NOL4: variants seen among roughly 807,000 people sequenced by gnomAD.
NOL4 encodes the protein cancer/testis antigen 125.
In NOL4, 17 loss-of-function variants were observed where a neutral mutation model predicts 75.9. The ratio of observed to expected loss-of-function variants is 0.22; its 90% CI spans 0.15 to 0.34. The LOEUF is 0.34. Among genes scored for constraint, NOL4 ranks in the 10% least tolerant of loss-of-function variants. The pLI is 1.00. For missense variants in NOL4, 614 were observed against 793.5 expected, an observed-to-expected ratio of 0.77 and a Z score of 2.72; for synonymous variants, 292 against 289.9, an observed-to-expected ratio of 1.01 and a Z score of -0.07.
chr18:33,997,880 T>C (rs1341021818), intron 6 of NOL4, among the ~76,000 whole-genome samples: 4 of 151,796 alleles, frequency 2.6e-5, no homozygotes, highest in Admixed American at 2.0e-4. Context: ...AATTGATAAA[T>C]AGATAAGCAA....
rs576872798 is a variant in NOL4 at position 34,194,457 on chromosome 18, AAGGCAGGCAGGC to A, written c.264+28521_264+28532del. Among the ~76,000 whole-genome samples the A allele has an allele frequency of 6.0e-4, 88 of 146,314 alleles. 1 individual carries two copies. The South Asian group carries it at 7.2e-3, about 12-fold the overall frequency. ...GAAGGAAGGAAGGAAGGAAGGAAGG[AAGGCAGGCAGGC>A]AGGCAGGCAGGCAGGCAGGCGAGAA... On this transcript the variant is annotated intron_variant, in intron 1 of 10. Coordinates refer to ENST00000261592, the MANE Select transcript of NOL4 (RefSeq NM_003787.5).
intron 1 of NOL4, among the ~76,000 whole-genome samples, chr18:34,188,483 C>G (rs1288780902): frequency 6.6e-6 from 1 of 152,156 alleles, no homozygotes; most frequent in East Asian, 1.9e-4. Context: ...ATACAGTACA[C>G]CTAACCTACT....
At chr18:34,144,852 T>C (rs2081334354) in intron 1 of NOL4, among the ~76,000 whole-genome samples, 1 of 152,142 alleles carries the variant, frequency 6.6e-6, no homozygotes, top group South Asian at 2.1e-4. Context: ...CCATGACTCT[T>C]CTCCTTATAG....
At chr18:33,962,321 A>G (rs1224288352) in intron 6 of NOL4, among the ~76,000 whole-genome samples, 1 of 152,210 alleles carries the variant, frequency 6.6e-6, no homozygotes, top group Non-Finnish European at 1.5e-5. Flanking sequence ...TAGAAGCCAG[A>G]TTAACAATAT....
chr18:34,033,876 G>A (rs2144694568), intron 5 of NOL4, among the ~76,000 whole-genome samples: 1 of 151,768 alleles, frequency 6.6e-6, no homozygotes, highest in African/African-American at 2.4e-5. Context: ...GGCCAGTAGA[G>A]AATAGGATGA....
At chr18:33,875,777 T>C (rs1303719471) in intron 10 of NOL4, among the ~76,000 whole-genome samples, 1 of 152,066 alleles carries the variant, frequency 6.6e-6, no homozygotes, top group Admixed American at 6.6e-5. Context: ...GCAAATATTA[T>C]TGAGCACTTG....
chr18:33,858,670 A>G (rs1176320264), intron 10 of NOL4, among the ~76,000 whole-genome samples: 1 of 152,122 alleles, frequency 6.6e-6, no homozygotes, highest in Non-Finnish European at 1.5e-5. Flanking sequence ...GAATTTTAGT[A>G]GCATCATAAA....
At chr18:34,005,537 G>A (rs143627083) in intron 6 of NOL4, among the ~76,000 whole-genome samples, 239 of 151,986 alleles carry the variant, frequency 1.6e-3, no homozygotes, top group African/African-American at 5.4e-3. Flanking sequence ...AAAATTAATG[G>A]TCCTCTAGCA....
chr18:34,100,616 G>C (rs971024826), intron 4 of NOL4, among the ~76,000 whole-genome samples: 4 of 151,946 alleles, frequency 2.6e-5, no homozygotes, highest in Admixed American at 6.6e-5. Context: ...TAATACCCTG[G>C]GTGCTCTTTC....
At chr18:33,895,074 T>C (rs989773376) in intron 9 of NOL4, among the ~76,000 whole-genome samples, 3 of 152,244 alleles carry the variant, frequency 2.0e-5, no homozygotes, top group East Asian at 1.9e-4. Flanking sequence ...AAACATCACA[T>C]TGTACCCTAT....
chr18:33,917,068 CT>C (rs957383865), intron 9 of NOL4, among the ~76,000 whole-genome samples: 3 of 151,990 alleles, frequency 2.0e-5, no homozygotes, highest in Non-Finnish European at 2.9e-5. Context: ...TGATAAGCAG[CT>C]TTTTTTTCAT....
intron 9 of NOL4, among the ~76,000 whole-genome samples, chr18:33,904,407 A>G (rs1419753363): frequency 6.6e-6 from 1 of 152,012 alleles, no homozygotes; most frequent in Non-Finnish European, 1.5e-5. Context: ...AGCCCCAGAA[A>G]AAAACCTTAA....
At chr18:34,203,287 A>G (rs1014083361) in intron 1 of NOL4, among the ~76,000 whole-genome samples, 1 of 151,994 alleles carries the variant, frequency 6.6e-6, no homozygotes, top group Non-Finnish European at 1.5e-5. Context: ...AGGATGAAGG[A>G]ACAGGAAAGA....
intron 9 of NOL4, among the ~76,000 whole-genome samples, chr18:33,925,274 T>A (rs1424066132): frequency 6.6e-6 from 1 of 152,170 alleles, no homozygotes; most frequent in East Asian, 1.9e-4. Context: ...ATCTGGTTTT[T>A]GAAATAGTTT....
intron 1 of NOL4, among the ~76,000 whole-genome samples, chr18:34,139,699 G>A (rs576268199): frequency 1.6e-4 from 24 of 152,080 alleles, no homozygotes; most frequent in Non-Finnish European, 1.6e-4. Flanking sequence ...TCTGATCTTA[G>A]TTATTTGTTG....
rs1265131591 is a variant in NOL4, at chr18:34,093,672, A to G, written c.640-75T>C. The stretch of plus-strand genomic sequence containing the variant: ...TAAATAATAACCATTTTATCTACAC[A>G]GTCAATTGAAGTTTAACCAGTAAAT... On this transcript the variant is annotated intron_variant, in intron 4 of 10. Coordinates refer to ENST00000261592, the MANE Select transcript of NOL4 (RefSeq NM_003787.5). The G allele has an allele frequency of 7.3e-6, 8 of 1,089,376 alleles. No homozygotes were observed. In the African/African-American group the frequency reaches 1.1e-4, roughly 16 times the overall value. The allele number at this position is 1,089,376 out of a possible 1,614,324, so 67.5% of individuals were successfully genotyped here.
chr18:34,166,061 C>T (rs1387363890), intron 1 of NOL4, among the ~76,000 whole-genome samples: 2 of 151,862 alleles, frequency 1.3e-5, no homozygotes, highest in Admixed American at 1.3e-4. Context: ...AATTACAGGG[C>T]CAGATAAACT....
intron 1 of NOL4, among the ~76,000 whole-genome samples, chr18:34,132,084 C>T (rs2080678768): frequency 6.6e-6 from 1 of 152,196 alleles, no homozygotes; most frequent in East Asian, 1.9e-4. Flanking sequence ...TTTGCCTCTT[C>T]CAGCTTCTGG....
intron 10 of NOL4, among the ~76,000 whole-genome samples, chr18:33,856,754 G>C (rs1356575908): frequency 1.3e-5 from 2 of 152,100 alleles, no homozygotes; most frequent in Non-Finnish European, 2.9e-5. Flanking sequence ...CAGAATTGCA[G>C]ATATTAATAA....
Sources: gnomAD v4.1 joint callset for allele counts (sites outside exome capture counted in the v4.1 genomes callset) on GRCh38, gnomAD v4.1.1 for gene constraint, MANE v1.5 for transcripts, NCBI Gene and HGNC (gene_info 2026-07-23, HGNC 2026-07-21) for gene names.